The following ATF1 variants were observed in gnomAD, a reference collection of about 807,000 sequenced individuals.
ATF1 encodes the protein activating transcription factor 1, also known as cyclic AMP-dependent transcription factor ATF-1.
In ATF1, 16 loss-of-function variants were observed where a neutral mutation model predicts 34.7. The observed-to-expected ratio is 0.46, with a 90% CI of 0.31 to 0.70. The LOEUF is 0.70. ATF1 is among the 30% of genes least tolerant of loss of function. The pLI is 0.05. For synonymous variants in ATF1, 105 were observed against 113.1 expected, an observed-to-expected ratio of 0.93 and a Z score of 0.46; for missense variants, 255 against 321.6, an observed-to-expected ratio of 0.79 and a Z score of 1.58.
chr12:50,785,334 C>T (rs897780205), intron 2 of ATF1, among the ~76,000 whole-genome samples: 1 of 94,724 alleles, frequency 1.1e-5, no homozygotes, highest in East Asian at 3.5e-4. Flanking sequence ...CACACACACA[C>T]ACACAGACGT....
chr12:50,809,013 C>T (rs865987296), intron 3 of ATF1, among the ~76,000 whole-genome samples: 7 of 151,790 alleles, frequency 4.6e-5, no homozygotes, highest in Non-Finnish European at 1.0e-4. Context: ...GCTGGGATTA[C>T]AGGTGTGAGC....
chr12:50,770,543 T>C (rs893810911), intron 1 of ATF1, among the ~76,000 whole-genome samples: 125 of 152,324 alleles, frequency 8.2e-4, no homozygotes, highest in African/African-American at 2.9e-3. Flanking sequence ...AGATTCCTTA[T>C]GAAACAGAGT....
chr12:50,816,558 C>T (rs1423757882), intron 6 of ATF1, among the ~76,000 whole-genome samples: 1 of 152,060 alleles, frequency 6.6e-6, no homozygotes, highest in Non-Finnish European at 1.5e-5. Flanking sequence ...AACAGATTTT[C>T]TCATGTGCTC....
intron 2 of ATF1, among the ~76,000 whole-genome samples, chr12:50,786,886 G>C (rs1453454858): frequency 6.6e-6 from 1 of 152,168 alleles, no homozygotes; most frequent in Non-Finnish European, 1.5e-5. Context: ...TATGGAAAGA[G>C]CCTCTTTGGG....
At chr12:50,816,132 C>T (rs189860746) in intron 6 of ATF1, among the ~76,000 whole-genome samples, 5 of 151,580 alleles carry the variant, frequency 3.3e-5, no homozygotes, top group Admixed American at 6.6e-5. Flanking sequence ...CCTAGGAGTT[C>T]AATGCAAGCC....
chr12:50,801,903 C>T (rs551607238), intron 3 of ATF1, among the ~76,000 whole-genome samples: 27 of 152,250 alleles, frequency 1.8e-4, no homozygotes, highest in African/African-American at 6.5e-4. Flanking sequence ...CACTTCTAAA[C>T]ATTGCACTCA....
intron 4 of ATF1, among the ~76,000 whole-genome samples, chr12:50,810,542 TTTA>T (rs1236024451): frequency 2.0e-5 from 3 of 152,142 alleles, no homozygotes; most frequent in Non-Finnish European, 4.4e-5. Flanking sequence ...GTTAAAAATA[TTTA>T]TTGTTTGATT....
chr12:50,767,243 C>T (rs1225997723), intron 1 of ATF1, among the ~76,000 whole-genome samples: 1 of 151,662 alleles, frequency 6.6e-6, no homozygotes, highest in Non-Finnish European at 1.5e-5. Flanking sequence ...ATCAGCCTGG[C>T]ACGGTGGCTC....
At chr12:50,808,434 T>C (rs1941662893) in intron 3 of ATF1, among the ~76,000 whole-genome samples, 1 of 151,532 alleles carries the variant, frequency 6.6e-6, no homozygotes, top group Admixed American at 6.6e-5. Flanking sequence ...GTTCAAGCAA[T>C]TCTTCTACCT....
chr12:50,785,606 A>C (rs1234189822), intron 2 of ATF1, among the ~76,000 whole-genome samples: 3 of 152,164 alleles, frequency 2.0e-5, no homozygotes, highest in Admixed American at 6.6e-5. Context: ...CCAAACTGCA[A>C]CTGAGGCATT....
intron 1 of ATF1, among the ~76,000 whole-genome samples, chr12:50,777,716 G>A (rs1267483175): frequency 6.6e-6 from 1 of 151,652 alleles, no homozygotes; most frequent in East Asian, 1.9e-4. Context: ...GCGAGGTCAA[G>A]GCTGCAGTGA....
At chr12:50,797,915 C>T (rs939468358) in intron 3 of ATF1, among the ~76,000 whole-genome samples, 24 of 152,198 alleles carry the variant, frequency 1.6e-4, no homozygotes, top group Admixed American at 5.2e-4. Context: ...CAGTGGCTCA[C>T]GCCTGTAATC....
In ATF1 at chr12:50,820,470, A is replaced by G. The variant is rs545678746; in HGVS notation, c.*691A>G. ...AAAAAGAACTGTTTAAAAGTTTGATACTTTTAAATAGTTGGTTTTTTTGCT... is the reference window on the plus strand; with the variant it reads ...AAAAAGAACTGTTTAAAAGTTTGATGCTTTTAAATAGTTGGTTTTTTTGCT... On this transcript the variant is annotated 3_prime_UTR_variant, in exon 7 of 7. Coordinates refer to ENST00000262053, the MANE Select transcript of ATF1 (RefSeq NM_005171.5). 4 of 182,618 alleles carry G rather than the reference A, an allele frequency of 2.2e-5. No homozygotes were observed. The East Asian group carries it at 3.6e-4, about 16-fold the overall frequency. 11.3% of individuals were successfully genotyped at this position (182,618 alleles called of 1,614,324 possible).
chr12:50,812,060 A>C (rs1379620376), intron 4 of ATF1, among the ~76,000 whole-genome samples: 6 of 152,174 alleles, frequency 3.9e-5, no homozygotes, highest in African/African-American at 1.4e-4. Flanking sequence ...TGAAATTTTA[A>C]TTTTGTTTAA....
At position 50,780,126 on chromosome 12, in the gene ATF1, T is replaced by C. The variant is rs746160528; in HGVS notation, c.-6-14T>C. 9 of 1,576,750 alleles carry C rather than the reference T, an allele frequency of 5.7e-6. No individual in the cohort carries two copies. Among genetic ancestry groups the C allele is most frequent in the Non-Finnish European group, 7.8e-6 (9 of 1,147,806 alleles). ...ATCATATTTAATTTTAACGGACTTT[T>C]TTCCCCCTTATAGTTGATTATGGAA... On this transcript the variant is annotated splice_polypyrimidine_tract_variant and intron_variant, in intron 1 of 6. Transcript: ENST00000262053.
chr12:50,766,468 G>C (rs903105922), intron 1 of ATF1, among the ~76,000 whole-genome samples: 2 of 152,030 alleles, frequency 1.3e-5, no homozygotes, highest in African/African-American at 4.8e-5. Flanking sequence ...GCATGAACAG[G>C]ATCGTGGGAC....
At chr12:50,777,869 G>A (rs931838341) in intron 1 of ATF1, among the ~76,000 whole-genome samples, 1 of 151,868 alleles carries the variant, frequency 6.6e-6, no homozygotes, top group Non-Finnish European at 1.5e-5. Flanking sequence ...AATGAAGCCT[G>A]GCAGCTACCT....
chr12:50,820,401 A>G lies in ATF1; in HGVS notation c.*622A>G, dbSNP rs1234922831. The G allele has an allele frequency of 2.1e-5, 4 of 187,212 alleles. No individual in the cohort carries two copies. The highest frequency in any genetic ancestry group is 4.5e-5 in the Non-Finnish European group (4 of 88,582). The allele number at this position is 187,212 out of a possible 1,614,324, so 11.6% of individuals were successfully genotyped here. On this transcript the variant is annotated 3_prime_UTR_variant, in exon 7 of 7. Transcript: ENST00000262053. ...TTATCCTAAAAGGCATCTAAGGTACATGAATGGAGTATGGTGATTTTATAA... is the reference window on the plus strand; with the variant it reads ...TTATCCTAAAAGGCATCTAAGGTACGTGAATGGAGTATGGTGATTTTATAA...
intron 2 of ATF1, among the ~76,000 whole-genome samples, chr12:50,789,077 T>G (rs921062927): frequency 1.3e-5 from 2 of 152,022 alleles, no homozygotes; most frequent in Non-Finnish European, 2.9e-5. Context: ...TGAGGTTTTT[T>G]TTGTTGTTTT....
Sources: gnomAD v4.1 joint callset for allele counts (sites outside exome capture counted in the v4.1 genomes callset) on GRCh38, gnomAD v4.1.1 for gene constraint, MANE v1.5 for transcripts, NCBI Gene and HGNC (gene_info 2026-07-23, HGNC 2026-07-21) for gene names.